The following TOMM70 variants were observed in gnomAD, a reference collection of about 807,000 sequenced individuals.
The protein encoded by TOMM70 is translocase of outer mitochondrial membrane 70, also known as mitochondrial import receptor subunit TOM70.
Under a neutral mutation model 73.6 loss-of-function variants are expected in TOMM70, and 13 were observed. The observed-to-expected ratio is 0.18, with a 90% CI of 0.11 to 0.28. The LOEUF (loss-of-function observed/expected upper bound fraction) is 0.28. Among genes scored for constraint, TOMM70 ranks in the 10% least tolerant of loss-of-function variants. The pLI, the probability that TOMM70 is intolerant of heterozygous loss-of-function variation, is 1.00. For synonymous variants in TOMM70, 257 were observed against 271.2 expected, an observed-to-expected ratio of 0.95 and a Z score of 0.51; for missense variants, 609 against 747.5, an observed-to-expected ratio of 0.81 and a Z score of 2.16.
intron 1 of TOMM70, among the ~76,000 whole-genome samples, chr3:100,392,684 T>C (rs544088285): frequency 1.1e-4 from 16 of 151,804 alleles, no homozygotes; most frequent in Non-Finnish European, 1.8e-4. Context: ...TCCCAAAGTG[T>C]TGGGATTACA....
chr3:100,389,030 GA>G lies in TOMM70; in HGVS notation c.325-2053del, dbSNP rs147855242. On this transcript the variant is annotated intron_variant, in intron 1 of 11. Transcript: ENST00000284320. ...GTGGAGTTCTAAAAGGAAAGGCATA[GA>G]AAAAAAAAATCTAAGGAATTGGAGA... is the stretch of plus-strand genomic sequence containing the variant. Among the ~76,000 whole-genome samples the G allele has an allele frequency of 2.5e-3, 368 of 147,798 alleles. 4 individuals carry two copies. The highest frequency in any genetic ancestry group is 0.014 in the Middle Eastern group (4 of 286).
chr3:100,370,699 C>T (rs1706499779), intron 9 of TOMM70, among the ~76,000 whole-genome samples: 1 of 152,134 alleles, frequency 6.6e-6, no homozygotes, highest in Admixed American at 6.5e-5. Flanking sequence ...TATAAAGTTA[C>T]ATATACTATA....
chr3:100,368,027 C>A lies in TOMM70; in HGVS notation c.1673+17G>T. 1.2e-6 allele frequency: 2 copies of A among 1,609,344 alleles called. No homozygotes were observed. Among genetic ancestry groups the A allele is most frequent in the Non-Finnish European group, 1.7e-6 (2 of 1,178,202 alleles). On this transcript the variant is annotated intron_variant, in intron 11 of 11. Transcript: ENST00000284320. Reference sequence around the variant, plus strand: ...TATGGAGCTACCATATATTTCCTAACAGACTCCAGAAGTTACCTTTGTACT... The same window carrying A: ...TATGGAGCTACCATATATTTCCTAAAAGACTCCAGAAGTTACCTTTGTACT...
intron 5 of TOMM70, among the ~76,000 whole-genome samples, chr3:100,380,076 T>A (rs1576213891): frequency 6.6e-6 from 1 of 152,228 alleles, no homozygotes; most frequent in East Asian, 1.9e-4. Flanking sequence ...CCAGGTGCAG[T>A]GGCTCACACC....
chr3:100,386,823 A>C lies in TOMM70; in HGVS notation c.480T>G (p.Ala160=). 1 of 1,614,062 alleles carries C rather than the reference A, an allele frequency of 6.2e-7. No individual in the cohort carries two copies. The highest frequency in any genetic ancestry group is 8.5e-7 in the Non-Finnish European group (1 of 1,179,996). Residue 160 remains alanine, a synonymous_variant, in exon 2 of 12, where the codon GCT becomes GCG. Transcript: ENST00000284320. ...VDLSTFYQNR[A]AAFEQLQKWK... ...TACATACCAACTGTTCAAAGGCAGC[A>C]GCTCTGTTTTGATAAAATGTAGAAA...
chr3:100,375,118 A>G lies in TOMM70; in HGVS notation c.1127T>C (p.Met376Thr). The change falls in exon 7 of 12, where the codon ATG (methionine) becomes ACG (threonine). Residue 376 changes from methionine (M) to threonine (T), a missense_variant. By Grantham distance (81) the Met-to-Thr change is moderately conservative (BLOSUM62 -1). Coordinates refer to ENST00000284320, the MANE Select transcript of TOMM70 (RefSeq NM_014820.5). ...CAAAGGCTGCTGCTGTTGCATGTACATGCTGCCTCTTTTGATGAGAGCATT... is the reference window on the plus strand; with the variant it reads ...CAAAGGCTGCTGCTGTTGCATGTACGTGCTGCCTCTTTTGATGAGAGCATT... ...RANALIKRGS[M>T]YMQQQQPLLS... The G allele has an allele frequency of 6.2e-7, 1 of 1,609,874 alleles. No individual in the cohort carries two copies. Among genetic ancestry groups the G allele is most frequent in the Non-Finnish European group, 8.5e-7 (1 of 1,178,266 alleles).
chr3:100,395,108 G>A (rs1255913425), intron 1 of TOMM70, among the ~76,000 whole-genome samples: 3 of 152,074 alleles, frequency 2.0e-5, no homozygotes, highest in Non-Finnish European at 4.4e-5. Context: ...GGTGGCTCAC[G>A]CCTGTAATCC....
At chr3:100,397,346 CA>C (rs1488691804) in intron 1 of TOMM70, among the ~76,000 whole-genome samples, 2 of 152,044 alleles carry the variant, frequency 1.3e-5, no homozygotes, top group East Asian at 3.8e-4. Flanking sequence ...TACTGGTCAC[CA>C]ACAGTTAAGA....
At chr3:100,398,018 G>C (rs1018116733) in intron 1 of TOMM70, among the ~76,000 whole-genome samples, 2 of 152,184 alleles carry the variant, frequency 1.3e-5, no homozygotes, top group African/African-American at 4.8e-5. Flanking sequence ...GAGATGGCTA[G>C]GTTTTATCAA....
At chr3:100,380,474 T>C (rs1706621012) in intron 5 of TOMM70, among the ~76,000 whole-genome samples, 1 of 152,188 alleles carries the variant, frequency 6.6e-6, no homozygotes, top group Non-Finnish European at 1.5e-5. Context: ...CCTTGTAAGG[T>C]AAATATTACT....
At chr3:100,378,167 C>T (rs998378686) in intron 5 of TOMM70, among the ~76,000 whole-genome samples, 13 of 151,568 alleles carry the variant, frequency 8.6e-5, no homozygotes, top group African/African-American at 2.7e-4. Flanking sequence ...CGCTTGAACC[C>T]GGGAGGTGGA....
At position 100,381,734 on chromosome 3, in the gene TOMM70, CTG is replaced by C; in HGVS notation, c.763_764del (p.Gln255ValfsTer12). 6.2e-7 allele frequency: 1 copy of C among 1,608,706 alleles called. No individual in the cohort carries two copies. Among genetic ancestry groups the C allele is most frequent in the Non-Finnish European group, 8.5e-7 (1 of 1,176,952 alleles). On this transcript the variant is annotated frameshift_variant, in exon 5 of 12. Coordinates refer to ENST00000284320, the MANE Select transcript of TOMM70 (RefSeq NM_014820.5). LOFTEE classifies it high-confidence loss of function. ...AAGAACTGAAGTAAGATTTGATAAA[CTG>C]TGGAGATGGCATCAGAGGTTCACGA... ...KNREPLMPSP[Q>X]FIKSYFSSFT...
intron 5 of TOMM70, among the ~76,000 whole-genome samples, chr3:100,379,718 G>C (rs1706608576): frequency 6.6e-6 from 1 of 152,146 alleles, no homozygotes; most frequent in Non-Finnish European, 1.5e-5. Flanking sequence ...TGGGACTCAA[G>C]CAATCCTCCC....
At chr3:100,386,125 G>T (rs906042759) in intron 3 of TOMM70, 93 bp downstream of exon 3, 1 of 1,396,598 alleles carries the variant, frequency 7.2e-7, no homozygotes, top group Non-Finnish European at 9.6e-7. Context: ...AAAAACAACT[G>T]ATTCTTGCAC....
At chr3:100,368,301 G>T in intron 10 of TOMM70, 135 bp from the exon 11 acceptor site, 1 of 1,072,658 alleles carries the variant, frequency 9.3e-7, no homozygotes, top group Non-Finnish European at 1.3e-6. Context: ...TATATAATCA[G>T]CATCAAATTG....
At chr3:100,398,149 C>A (rs938822955) in intron 1 of TOMM70, among the ~76,000 whole-genome samples, 1 of 151,780 alleles carries the variant, frequency 6.6e-6, no homozygotes, top group Non-Finnish European at 1.5e-5. Flanking sequence ...TTTGGGAGGC[C>A]GAGGTGGGTG....
intron 5 of TOMM70, among the ~76,000 whole-genome samples, chr3:100,381,176 C>T (rs999984448): frequency 2.6e-5 from 4 of 152,124 alleles, no homozygotes; most frequent in Non-Finnish European, 5.9e-5. Context: ...TCTTCCTAGA[C>T]AAGCAGAAAA....
chr3:100,378,060 C>G, intron 5 of TOMM70, 148 bp from the exon 6 acceptor site: 3 of 607,772 alleles, frequency 4.9e-6, no homozygotes, highest in Non-Finnish European at 8.5e-6. Context: ...GCCTGGCCAA[C>G]ATGGTGAAAC....
At chr3:100,376,281 G>A (rs1053981953) in intron 6 of TOMM70, among the ~76,000 whole-genome samples, 1 of 151,572 alleles carries the variant, frequency 6.6e-6, no homozygotes, top group Non-Finnish European at 1.5e-5. Flanking sequence ...CTGGATACAA[G>A]CTCCTAATCA....
Sources: gnomAD v4.1 joint callset for allele counts (sites outside exome capture counted in the v4.1 genomes callset) on GRCh38, gnomAD v4.1.1 for gene constraint, MANE v1.5 for transcripts, NCBI Gene and HGNC (gene_info 2026-07-23, HGNC 2026-07-21) for gene names.